LRP1B: variants seen among roughly 807,000 people sequenced by gnomAD.
LRP1B encodes LDL receptor related protein 1B.
Under a neutral mutation model 556.6 loss-of-function variants are expected in LRP1B, and 217 were observed. That is an observed-to-expected ratio of 0.39 (90% CI 0.35 to 0.44). The LOEUF is 0.44. Among genes scored for constraint, LRP1B ranks in the 20% least tolerant of loss-of-function variants. The pLI is 1.00. For missense variants in LRP1B, 5,053 were observed against 5,620.8 expected (o/e 0.90, Z 3.23); for synonymous variants, 2,047 against 1,865.8 (o/e 1.10, Z -2.50).
intron 41 of LRP1B, among the ~76,000 whole-genome samples, chr2:140,675,968 G>GA (rs34468741): frequency 0.53 from 80,559 of 151,722 alleles, 24,410 homozygotes; most frequent in Non-Finnish European, 0.69. Flanking sequence ...ATTGATGCAA[G>GA]AAAAAAAATA....
chr2:141,479,090 C>G (rs1168036798), intron 3 of LRP1B, among the ~76,000 whole-genome samples: 2 of 152,106 alleles, frequency 1.3e-5, no homozygotes, highest in Non-Finnish European at 2.9e-5. Context: ...TTGGACCTTC[C>G]TTTAGAAAGA....
chr2:140,693,352 C>T (rs1462839960), intron 41 of LRP1B, among the ~76,000 whole-genome samples: 1 of 150,234 alleles, frequency 6.7e-6, no homozygotes, highest in Non-Finnish European at 1.5e-5. Context: ...GGGTCTCACT[C>T]TGTCACCCAG....
chr2:140,442,694 G>A, intron 65 of LRP1B, 71 bp from the exon 66 acceptor site: 1 of 1,477,050 alleles, frequency 6.8e-7, no homozygotes. Context: ...AAATTTTACA[G>A]ACAAATGTTT....
chr2:141,064,626 TAATAGC>T (rs796918047), intron 7 of LRP1B, among the ~76,000 whole-genome samples: 55 of 152,102 alleles, frequency 3.6e-4, no homozygotes, highest in African/African-American at 1.3e-3. Context: ...TCCTAAGGAA[TAATAGC>T]AATATGACCA....
chr2:141,520,032 G>C (rs1391549551), intron 2 of LRP1B, among the ~76,000 whole-genome samples: 1 of 152,164 alleles, frequency 6.6e-6, no homozygotes, highest in East Asian at 1.9e-4. Flanking sequence ...TTTTCAGAGA[G>C]AGGATACCCA....
At chr2:140,786,795 A>T (rs7578679) in intron 32 of LRP1B, among the ~76,000 whole-genome samples, 64,368 of 152,036 alleles carry the variant, frequency 0.42, 15,254 homozygotes, top group East Asian at 0.58. Context: ...GTCTAGGGTT[A>T]CACAGAGAAG....
intron 47 of LRP1B, among the ~76,000 whole-genome samples, chr2:140,527,856 T>C (rs1196810075): frequency 1.3e-5 from 2 of 152,024 alleles, no homozygotes; most frequent in African/African-American, 4.8e-5. Flanking sequence ...AGTTTCTTAC[T>C]AACTTTGTTC....
Position 142,115,584 on chromosome 2 carries a change from TATATATATTATATATGTA to T in LRP1B, c.82+15046_82+15063del, listed in dbSNP as rs1245485887. Reference sequence around the variant, plus strand: ...TATGTAATATATATTATATATGTAATATATATATTATATATGTAATATATATTATATATATGTAATATA... The same window carrying T: ...TATGTAATATATATTATATATGTAATATATATATTATATATATGTAATATA... On this transcript the variant is annotated intron_variant, in intron 1 of 90. Transcript: ENST00000389484. Among the ~76,000 whole-genome samples the T allele has an allele frequency of 5.7e-3, 256 of 44,720 alleles. 14 individuals are homozygous for T. The highest frequency in any genetic ancestry group is 8.6e-3 in the African/African-American group (100 of 11,608). The allele number at this position is 44,720 out of a possible 152,430, so 29.3% of individuals were successfully genotyped here. A position where few individuals can be genotyped will look rare whatever the true frequency, so the allele number is the denominator to read the frequency against.
intron 7 of LRP1B, among the ~76,000 whole-genome samples, chr2:141,147,483 G>T (rs7583934): frequency 0.68 from 103,100 of 152,000 alleles, 35,134 homozygotes; most frequent in Middle Eastern, 0.83. Context: ...TTAAAATTAT[G>T]CAAAAGTAAA....
At chr2:141,551,646 A>G (rs1185267456) in intron 2 of LRP1B, among the ~76,000 whole-genome samples, 1 of 152,048 alleles carries the variant, frequency 6.6e-6, no homozygotes, top group Non-Finnish European at 1.5e-5. Context: ...ATAATTGGCT[A>G]CATAGCATGC....
chr2:140,751,550 T>G (rs536654082), intron 35 of LRP1B, among the ~76,000 whole-genome samples: 198 of 152,184 alleles, frequency 1.3e-3, no homozygotes, highest in Non-Finnish European at 2.2e-3. Flanking sequence ...GATACCTGAG[T>G]TGATGTAAAG....
rs1316882884 is a variant in LRP1B at position 141,639,302 on chromosome 2, G to GTA, written c.206-158770_206-158769insTA. Among the ~76,000 whole-genome samples the GTA allele has an allele frequency of 2.5e-3, 82 of 33,018 alleles. 1 individual carries two copies. Among genetic ancestry groups the GTA allele is most frequent in the African/African-American group, 6.1e-3 (77 of 12,644 alleles). The allele number at this position is 33,018 out of a possible 152,430, so 21.7% of individuals were successfully genotyped here. A position where few individuals can be genotyped will look rare whatever the true frequency, so the allele number is the denominator to read the frequency against. On this transcript the variant is annotated intron_variant, in intron 2 of 90. Coordinates refer to ENST00000389484, the MANE Select transcript of LRP1B (RefSeq NM_018557.3). ...CTGGACCCAGGAGTACGCATCATGT[G>GTA]TGTATATATATATATATATATATAT...
intron 3 of LRP1B, among the ~76,000 whole-genome samples, chr2:141,311,361 C>T (rs1215386400): frequency 6.6e-6 from 1 of 152,150 alleles, no homozygotes; most frequent in Non-Finnish European, 1.5e-5. Flanking sequence ...TCTCCTTCCA[C>T]TATCTTACAG....
intron 7 of LRP1B, among the ~76,000 whole-genome samples, chr2:141,159,292 A>G (rs1702142251): frequency 6.6e-6 from 1 of 152,184 alleles, no homozygotes; most frequent in South Asian, 2.1e-4. Context: ...CTGGAGGAGG[A>G]AAGAATTGGA....
chr2:140,749,809 T>C (rs1688507473), intron 35 of LRP1B, among the ~76,000 whole-genome samples: 1 of 152,156 alleles, frequency 6.6e-6, no homozygotes, highest in South Asian at 2.1e-4. Context: ...ACATAACCCA[T>C]CATTTGTTAC....
In LRP1B at chr2:140,239,462, C is replaced by T. The variant is rs1161779800; in HGVS notation, c.13395G>A (p.Val4465=). 1 of 1,601,612 alleles carries T rather than the reference C, an allele frequency of 6.2e-7. No individual in the cohort carries two copies. Among genetic ancestry groups the T allele is most frequent in the Non-Finnish European group, 8.5e-7 (1 of 1,172,092 alleles). ...TLITTLVIGL[V]LCKRKRRTKT... ...CTTACCTTCTTTTTCTTTTACAAAG[C>T]ACTAAACCAATTACTAAGGTGGTTA... Residue 4465 remains valine, a synonymous_variant, in exon 88 of 91, where the codon GTG becomes GTA. Transcript: ENST00000389484.
intron 7 of LRP1B, among the ~76,000 whole-genome samples, chr2:141,070,413 A>T (rs962432195): frequency 1.3e-5 from 2 of 151,778 alleles, no homozygotes; most frequent in African/African-American, 4.8e-5. Context: ...GAAAGATCCA[A>T]AATTGACACC....
intron 2 of LRP1B, among the ~76,000 whole-genome samples, chr2:141,752,651 GGTGTGT>G (rs35485226): frequency 6.7e-6 from 1 of 149,714 alleles, no homozygotes; most frequent in African/African-American, 2.4e-5. Context: ...AATCTTGGGT[GGTGTGT>G]GTGTGTGTGT....
At chr2:141,958,689 T>TA (rs143752866) in intron 1 of LRP1B, among the ~76,000 whole-genome samples, 3,518 of 152,002 alleles carry the variant, frequency 0.023, 138 homozygotes, top group African/African-American at 0.079. Flanking sequence ...TGAAAAGCTT[T>TA]AAAATAGAGG....
Sources: gnomAD v4.1 joint callset for allele counts (sites outside exome capture counted in the v4.1 genomes callset) on GRCh38, gnomAD v4.1.1 for gene constraint, MANE v1.5 for transcripts, NCBI Gene and HGNC (gene_info 2026-07-23, HGNC 2026-07-21) for gene names.